CACNA2D2: variants seen among roughly 807,000 people sequenced by gnomAD.
CACNA2D2 encodes calcium voltage-gated channel auxiliary subunit alpha2delta 2, also known as voltage-dependent calcium channel subunit alpha-2/delta-2.
Under a neutral mutation model 166.4 loss-of-function variants are expected in CACNA2D2, and 48 were observed. That is an observed-to-expected ratio of 0.29 (90% CI 0.23 to 0.37). The LOEUF (loss-of-function observed/expected upper bound fraction) is 0.37, where lower values mean the gene tolerates loss of function less well. Ranked by LOEUF, CACNA2D2 falls within the 10% of genes least tolerant of loss-of-function variation. The probability of loss-of-function intolerance (pLI) is 1.00; values close to 1 mark genes in which losing one functional copy is unlikely to be tolerated. For missense variants in CACNA2D2, 1,122 were observed against 1,433.0 expected, an observed-to-expected ratio of 0.78 and a Z score of 3.50; for synonymous variants, 561 against 573.7, an observed-to-expected ratio of 0.98 and a Z score of 0.32.
intron 2 of CACNA2D2, among the ~76,000 whole-genome samples, chr3:50,468,438 T>TGG (rs1709923384): frequency 6.9e-6 from 1 of 145,518 alleles, no homozygotes; most frequent in Admixed American, 7.0e-5. Flanking sequence ...TGTGTGTGTG[T>TGG]GTGGCTTTAG....
At chr3:50,468,322 T>C (rs922783229) in intron 2 of CACNA2D2, among the ~76,000 whole-genome samples, 8 of 150,920 alleles carry the variant, frequency 5.3e-5, no homozygotes, top group Admixed American at 2.0e-4. Flanking sequence ...CCCGCTGTCC[T>C]GCTGTAAGGC....
chr3:50,483,551 T>C (rs1698149464), intron 1 of CACNA2D2, among the ~76,000 whole-genome samples: 1 of 152,196 alleles, frequency 6.6e-6, no homozygotes, highest in Non-Finnish European at 1.5e-5. Context: ...TGAGCCATCA[T>C]CCGGCATTAA....
intron 14 of CACNA2D2, 38 bp from the exon 15 acceptor site, chr3:50,378,135 T>G: frequency 3.1e-6 from 5 of 1,589,082 alleles, no homozygotes; most frequent in Non-Finnish European, 3.5e-6. Context: ...TGAGTGCCTT[T>G]CCCAGGCACT....
intron 2 of CACNA2D2, among the ~76,000 whole-genome samples, chr3:50,468,379 TAGTGTGTGTGTGTGTGTGTGTGTG>T (rs1390177479): frequency 7.3e-5 from 5 of 68,858 alleles, no homozygotes; most frequent in African/African-American, 2.4e-4. Flanking sequence ...TTCATCAGAA[TAGTGTGTGTGTGTGTGTGTGTGTG>T]TGTGTGTGTG....
chr3:50,377,895 T>C (rs1705073285), intron 15 of CACNA2D2, 92 bp from the exon 16 acceptor site: 11 of 1,482,622 alleles, frequency 7.4e-6, no homozygotes, highest in Non-Finnish European at 9.3e-6. Flanking sequence ...AGGCCACCTC[T>C]TTCTCCTGTG....
intron 6 of CACNA2D2, 137 bp downstream of exon 6, chr3:50,384,059 C>T: frequency 9.4e-7 from 1 of 1,061,208 alleles, no homozygotes; most frequent in South Asian, 1.5e-5. Context: ...GAGAGGTGCG[C>T]AGGAGTAATC....
rs1414153342 is a variant in CACNA2D2 at position 50,420,050 on chromosome 3, T to C, written c.405+14263A>G. Among the ~76,000 whole-genome samples the C allele has an allele frequency of 2.6e-5, 4 of 152,252 alleles. No individual in the cohort carries two copies. The East Asian group carries it at 7.7e-4, about 29-fold the overall frequency. Reference sequence around the variant, plus strand: ...ACGCGGAAGGCCTGGCCTCTGCTCCTTGCCTGCCGTCTCTCTTCCCTCCAC... The same window carrying C: ...ACGCGGAAGGCCTGGCCTCTGCTCCCTGCCTGCCGTCTCTCTTCCCTCCAC... On this transcript the variant is annotated intron_variant, in intron 3 of 37. Coordinates refer to ENST00000424201, the MANE Select transcript of CACNA2D2 (RefSeq NM_006030.4).
intron 3 of CACNA2D2, among the ~76,000 whole-genome samples, chr3:50,394,564 A>C (rs1107265): frequency 0.29 from 44,033 of 152,106 alleles, 8,955 homozygotes; most frequent in African/African-American, 0.54. Flanking sequence ...TGCCCTTCTG[A>C]CAGCTATCCA....
chr3:50,458,670 A>G (rs968215941), intron 2 of CACNA2D2, among the ~76,000 whole-genome samples: 2 of 152,220 alleles, frequency 1.3e-5, no homozygotes, highest in African/African-American at 2.4e-5. Flanking sequence ...ACAGTTAAGG[A>G]CTATTCAAAA....
At chr3:50,407,192 A>G (rs1706756425) in intron 3 of CACNA2D2, among the ~76,000 whole-genome samples, 1 of 151,748 alleles carries the variant, frequency 6.6e-6, no homozygotes, top group East Asian at 2.1e-4. Flanking sequence ...GCCCCCCTAT[A>G]CAAAGGGGGA....
rs763418319 is a variant in CACNA2D2, at chr3:50,366,908, T to G, written c.2512A>C (p.Lys838Gln). The G allele has an allele frequency of 1.2e-6, 2 of 1,613,696 alleles. No individual in the cohort carries two copies. Among genetic ancestry groups the G allele is most frequent in the East Asian group, 2.2e-5 (1 of 44,880 alleles). Residue 838 changes from lysine (K) to glutamine (Q), a missense_variant, in exon 29 of 38, where the codon AAG becomes CAG. Coordinates refer to ENST00000424201, the MANE Select transcript of CACNA2D2 (RefSeq NM_006030.4). This position sits in a 1 kb window ranked among gnomAD's most constrained non-coding sequence, Gnocchi z 5.9. Reference sequence around the variant, plus strand: ...TCAGCCCAAGCCTCTAGGTCCAGCTTGACGCCCACCACTTTGGGGGAGAGC... The same window carrying G: ...TCAGCCCAAGCCTCTAGGTCCAGCTGGACGCCCACCACTTTGGGGGAGAGC... ...RTLRPAVVGV[K>Q]LDLEAWAEKF... is the part of the protein sequence containing the mutation.
At position 50,366,918 on chromosome 3, in the gene CACNA2D2, C is replaced by A. The variant is rs143829461; in HGVS notation, c.2502G>T (p.Val834=). The change falls in exon 29 of 38, where the codon GTG becomes GTT. Residue 834 remains valine, a splice_region_variant and synonymous_variant. Coordinates refer to ENST00000424201, the MANE Select transcript of CACNA2D2 (RefSeq NM_006030.4). The surrounding 1 kb of genome is among the most constrained non-coding windows in gnomAD (Gnocchi z 5.9). ...SLGRRTLRPA[V]VGVKLDLEAW... ...CCTCTAGGTCCAGCTTGACGCCCAC[C>A]ACTTTGGGGGAGAGCAAGGGACCAT... is the stretch of plus-strand genomic sequence containing the variant. 4.3e-6 allele frequency: 7 copies of A among 1,613,642 alleles called. No individual in the cohort carries two copies. The African/African-American group carries it at 9.3e-5, about 22-fold the overall frequency.
intron 1 of CACNA2D2, among the ~76,000 whole-genome samples, chr3:50,490,357 A>G (rs1375204501): frequency 2.6e-5 from 4 of 152,094 alleles, no homozygotes; most frequent in African/African-American, 9.7e-5. Context: ...TTATCTTCCT[A>G]TCCCCTAAGG....
chr3:50,457,336 G>A (rs1039291179), intron 2 of CACNA2D2, among the ~76,000 whole-genome samples: 2 of 152,154 alleles, frequency 1.3e-5, no homozygotes, highest in East Asian at 1.9e-4. Flanking sequence ...ACAGTCTCTC[G>A]AAATGCCATC....
chr3:50,426,194 A>T (rs1429747413), intron 3 of CACNA2D2, among the ~76,000 whole-genome samples: 1 of 152,186 alleles, frequency 6.6e-6, no homozygotes, highest in Non-Finnish European at 1.5e-5. Flanking sequence ...CAGGGTTGAC[A>T]TCTAGTCTCC....
rs1559875404 is a variant in CACNA2D2, at chr3:50,367,320, G to A, written c.2401+74C>T. 5 of 1,381,396 alleles carry A rather than the reference G, an allele frequency of 3.6e-6. No individual in the cohort carries two copies. The highest frequency in any genetic ancestry group is 2.4e-5 in the South Asian group (2 of 84,570). The allele number at this position is 1,381,396 out of a possible 1,614,324, so 85.6% of individuals were successfully genotyped here. A position where few individuals can be genotyped will look rare whatever the true frequency, so the allele number is the denominator to read the frequency against. ...TTGGAGAGGGGCCTCAGACAGCAGAGCCCAGTTCTGGCTGAGCAGACAGGG... is the reference window on the plus strand; with the variant it reads ...TTGGAGAGGGGCCTCAGACAGCAGAACCCAGTTCTGGCTGAGCAGACAGGG... On this transcript the variant is annotated intron_variant, in intron 27 of 37. Coordinates refer to ENST00000424201, the MANE Select transcript of CACNA2D2 (RefSeq NM_006030.4). The surrounding 1 kb of genome is among the most constrained non-coding windows in gnomAD (Gnocchi z 6.5).
intron 3 of CACNA2D2, among the ~76,000 whole-genome samples, chr3:50,410,939 T>G (rs750605714): frequency 3.9e-5 from 6 of 152,376 alleles, no homozygotes; most frequent in Non-Finnish European, 7.4e-5. Context: ...AGCACATCCA[T>G]GCTGCCAACA....
At chr3:50,369,945 G>C (rs1023704041) in intron 23 of CACNA2D2, among the ~76,000 whole-genome samples, 2 of 152,220 alleles carry the variant, frequency 1.3e-5, no homozygotes, top group Non-Finnish European at 2.9e-5. Flanking sequence ...TGCGGGGTTG[G>C]GGGGATGGGC....
At chr3:50,459,294 G>A (rs180762605) in intron 2 of CACNA2D2, among the ~76,000 whole-genome samples, 1 of 152,306 alleles carries the variant, frequency 6.6e-6, no homozygotes, top group East Asian at 1.9e-4. Context: ...GGGCCACGGG[G>A]AGTGGAGGCA....
Sources: allele counts gnomAD v4.1 joint callset (sites outside exome capture counted in the v4.1 genomes callset), GRCh38; gene constraint gnomAD v4.1.1; non-coding constraint Gnocchi (gnomAD v3.1); transcripts MANE v1.5; gene names NCBI Gene and HGNC (gene_info 2026-07-23, HGNC 2026-07-21).